Variants in NKAIN3 observed in about 807,000 individuals in gnomAD.
NKAIN3 encodes the protein sodium/potassium-transporting ATPase subunit beta-1-interacting protein 3.
Under a neutral mutation model 30.2 loss-of-function variants are expected in NKAIN3, and 25 were observed. That is an observed-to-expected ratio of 0.83 (90% CI 0.60 to 1.16). NKAIN3 has a LOEUF of 1.16. Ranked by LOEUF, NKAIN3 falls within the 50% of genes most tolerant of loss-of-function variation. The pLI, the probability that NKAIN3 is intolerant of heterozygous loss-of-function variation, is 0.00. For missense variants in NKAIN3, 225 were observed against 254.1 expected (o/e 0.89, Z 0.78); for synonymous variants, 91 against 89.6 (o/e 1.02, Z -0.09).
At position 62,318,773 on chromosome 8, in the gene NKAIN3, G is replaced by A. The variant is rs545152814; in HGVS notation, c.54+69646G>A. On this transcript the variant is annotated intron_variant, in intron 1 of 6. Transcript: ENST00000623646. Reference sequence around the variant, plus strand: ...AGGATTTTTGCATCGATATTCATCAGGGATGTTGGTCTAAAATTCTCTTTT... The same window carrying A: ...AGGATTTTTGCATCGATATTCATCAAGGATGTTGGTCTAAAATTCTCTTTT... Among the ~76,000 whole-genome samples the A allele has an allele frequency of 8.8e-3, 1,341 of 152,202 alleles. 29 individuals carry two copies. The highest frequency in any genetic ancestry group is 0.031 in the African/African-American group (1,266 of 41,492).
chr8:62,407,029 A>G (rs1804092879), intron 1 of NKAIN3, among the ~76,000 whole-genome samples: 1 of 152,172 alleles, frequency 6.6e-6, no homozygotes, highest in African/African-American at 2.4e-5. Flanking sequence ...CAATATAGAC[A>G]TTTGAATGTA....
chr8:62,477,402 G>A (rs1404282790), intron 1 of NKAIN3, among the ~76,000 whole-genome samples: 1 of 152,154 alleles, frequency 6.6e-6, no homozygotes, highest in Non-Finnish European at 1.5e-5. Flanking sequence ...CTTTCCCTGT[G>A]TGAGCCAGGG....
At chr8:62,416,346 T>G (rs1804443561) in intron 1 of NKAIN3, among the ~76,000 whole-genome samples, 1 of 152,224 alleles carries the variant, frequency 6.6e-6, no homozygotes. Flanking sequence ...CATTATTTTC[T>G]TCCCTTGCCT....
intron 1 of NKAIN3, among the ~76,000 whole-genome samples, chr8:62,321,973 C>G (rs1011212536): frequency 6.6e-6 from 1 of 152,178 alleles, no homozygotes; most frequent in Non-Finnish European, 1.5e-5. Context: ...GCGGTGGGCT[C>G]TACCGAGTTC....
chr8:62,871,342 G>A (rs1186013084), intron 4 of NKAIN3, among the ~76,000 whole-genome samples: 1 of 149,694 alleles, frequency 6.7e-6, no homozygotes, highest in Admixed American at 6.7e-5. Context: ...GGCAGAGGTT[G>A]CAGTTGGCCG....
At chr8:62,654,477 C>T (rs922184976) in intron 3 of NKAIN3, among the ~76,000 whole-genome samples, 1 of 152,014 alleles carries the variant, frequency 6.6e-6, no homozygotes, top group Non-Finnish European at 1.5e-5. Flanking sequence ...TGTGAAATTT[C>T]AGAGCAGTTG....
intron 1 of NKAIN3, among the ~76,000 whole-genome samples, chr8:62,443,672 G>A (rs1385922341): frequency 6.6e-6 from 1 of 152,042 alleles, no homozygotes; most frequent in East Asian, 1.9e-4. Context: ...GGGTGCGTGA[G>A]TCACCATGCC....
chr8:62,554,184 G>A (rs114468546), intron 1 of NKAIN3, among the ~76,000 whole-genome samples: 1,867 of 152,264 alleles, frequency 0.012, 38 homozygotes, highest in African/African-American at 0.043. Context: ...CCTCATGATA[G>A]AATAATTTTT....
At chr8:62,350,310 A>C (rs1816140202) in intron 1 of NKAIN3, among the ~76,000 whole-genome samples, 1 of 152,268 alleles carries the variant, frequency 6.6e-6, no homozygotes, top group Non-Finnish European at 1.5e-5. Flanking sequence ...ATTTCAATAC[A>C]TGCAACAACA....
chr8:62,387,795 A>G (rs982209089), intron 1 of NKAIN3, among the ~76,000 whole-genome samples: 1 of 152,308 alleles, frequency 6.6e-6, no homozygotes, highest in East Asian at 1.9e-4. Context: ...GTAATATTCC[A>G]TGAGTCTACA....
intron 4 of NKAIN3, among the ~76,000 whole-genome samples, chr8:62,785,921 G>A (rs926282658): frequency 6.6e-6 from 1 of 152,000 alleles, no homozygotes; most frequent in East Asian, 1.9e-4. Flanking sequence ...AGTGTCTTTC[G>A]AATCCCTGCC....
chr8:62,640,245 C>A (rs536258186), intron 3 of NKAIN3, among the ~76,000 whole-genome samples: 3 of 152,168 alleles, frequency 2.0e-5, no homozygotes, highest in Non-Finnish European at 4.4e-5. Flanking sequence ...AAGGAAGAGA[C>A]CTAGTGGGAG....
intron 1 of NKAIN3, among the ~76,000 whole-genome samples, chr8:62,566,935 G>A (rs764187597): frequency 1.3e-5 from 2 of 151,942 alleles, no homozygotes; most frequent in Admixed American, 6.6e-5. Context: ...AATCTCAAAT[G>A]GGGCATTAGT....
chr8:62,344,711 T>TATCCATA (rs1815872269), intron 1 of NKAIN3: 4 of 244,132 alleles, frequency 1.6e-5, no homozygotes, highest in South Asian at 1.4e-4. Context: ...GCAACCCAGT[T>TATCCATA]GCCTATGGAT....
intron 3 of NKAIN3, among the ~76,000 whole-genome samples, chr8:62,632,685 T>G (rs532434452): frequency 6.6e-6 from 1 of 152,146 alleles, no homozygotes; most frequent in South Asian, 2.1e-4. Context: ...GTATTTTTAG[T>G]AGAGACGGGG....
At chr8:62,887,566 T>C (rs1821185319) in intron 4 of NKAIN3, among the ~76,000 whole-genome samples, 1 of 152,124 alleles carries the variant, frequency 6.6e-6, no homozygotes, top group Non-Finnish European at 1.5e-5. Context: ...TAAATAACTG[T>C]TATTGTTTCT....
chr8:62,269,734 T>C (rs1282510140), intron 1 of NKAIN3, among the ~76,000 whole-genome samples: 1 of 152,176 alleles, frequency 6.6e-6, no homozygotes, highest in Non-Finnish European at 1.5e-5. Flanking sequence ...TGATACTCAA[T>C]TGTGAGTTAC....
rs183611099 is a variant in NKAIN3, at chr8:62,537,194, G to A, written c.55-42345G>A. Among the ~76,000 whole-genome samples the A allele has an allele frequency of 9.5e-4, 144 of 152,166 alleles. 1 individual carries two copies. The highest frequency in any genetic ancestry group is 2.1e-3 in the East Asian group (11 of 5,174). ...CTTAGGAAGAATTCGCTATGTAATT[G>A]GTTGTTGTTTCATCAAGCAGGGCCT... On this transcript the variant is annotated intron_variant, in intron 1 of 6. Transcript: ENST00000623646.
chr8:62,321,624 G>A (rs2129589447), intron 1 of NKAIN3, among the ~76,000 whole-genome samples: 1 of 152,348 alleles, frequency 6.6e-6, no homozygotes, highest in African/African-American at 2.4e-5. Context: ...GGTATCAGCA[G>A]CGGAGGCTGC....
Sources: allele counts gnomAD v4.1 joint callset (sites outside exome capture counted in the v4.1 genomes callset), GRCh38; gene constraint gnomAD v4.1.1; transcripts MANE v1.5; gene names NCBI Gene and HGNC (gene_info 2026-07-23, HGNC 2026-07-21).